Variants in KYAT1 observed in about 807,000 individuals in gnomAD.
KYAT1 encodes the protein kynurenine--oxoglutarate transaminase 1.
In KYAT1, 47 loss-of-function variants were observed where a neutral mutation model predicts 52.4. That is an observed-to-expected ratio of 0.90 (90% CI 0.71 to 1.14). The LOEUF (loss-of-function observed/expected upper bound fraction) is 1.14, where lower values mean the gene tolerates loss of function less well. KYAT1 is among the 50% of genes most tolerant of loss of function. The pLI, the probability that KYAT1 is intolerant of heterozygous loss-of-function variation, is 0.00. For synonymous variants in KYAT1, 212 were observed against 209.6 expected, an observed-to-expected ratio of 1.01 and a Z score of -0.10; for missense variants, 480 against 557.9, an observed-to-expected ratio of 0.86 and a Z score of 1.41.
At chr9:128,866,207 A>T (rs772579937) in intron 1 of KYAT1, among the ~76,000 whole-genome samples, 5 of 152,220 alleles carry the variant, frequency 3.3e-5, no homozygotes, top group Admixed American at 6.5e-5. Flanking sequence ...TTTTAATATA[A>T]TATGAGCCTT....
intron 1 of KYAT1, among the ~76,000 whole-genome samples, chr9:128,849,421 C>G (rs1309989270): frequency 1.2e-5 from 1 of 80,988 alleles, no homozygotes; most frequent in African/African-American, 5.4e-5. Flanking sequence ...AAAAAAAAAG[C>G]GGGGGTGGGG....
chr9:128,837,809 G>A lies in KYAT1; in HGVS notation c.443C>T (p.Pro148Leu). 1.9e-6 allele frequency: 3 copies of A among 1,613,976 alleles called. No homozygotes were observed. The highest frequency in any genetic ancestry group is 2.5e-6 in the Non-Finnish European group (3 of 1,179,960). ...RPVFVSLKPG[P>L]IQNGELGSSS... ...GGAACCCAGTTCTCCATTCTGGATG[G>A]GACCCTGCAAGAGCAGGTGGCATGG... is the stretch of plus-strand genomic sequence containing the variant. Residue 148 changes from proline to leucine, a missense_variant, in exon 6 of 13, where the codon CCC becomes CTC. Physicochemically the swap from Pro to Leu is moderately conservative, Grantham distance 98. Coordinates refer to ENST00000302586, the MANE Select transcript of KYAT1 (RefSeq NM_004059.5).
rs551408131 is a variant in KYAT1, at chr9:128,842,764, C to T, written c.91G>A (p.Val31Met). Residue 31 changes from valine (V) to methionine (M), a missense_variant, in exon 3 of 13, where the codon GTG becomes ATG. By Grantham distance (21) the Val-to-Met change is conservative (BLOSUM62 1). Coordinates refer to ENST00000302586, the MANE Select transcript of KYAT1 (RefSeq NM_004059.5). ...FVKLASEHDV[V>M]NLGQGFPDFP... ...TCCGGGAAGCCCTGGCCCAAGTTCACGACGTCATGCTCACTGGCCAGTTTC... is the reference window on the plus strand; with the variant it reads ...TCCGGGAAGCCCTGGCCCAAGTTCATGACGTCATGCTCACTGGCCAGTTTC... The T allele has an allele frequency of 1.2e-5, 19 of 1,614,082 alleles. No homozygotes were observed. In the East Asian group the frequency reaches 1.6e-4, roughly 13 times the overall value.
At position 128,875,968 on chromosome 9, in the gene KYAT1, G is replaced by A. The variant is rs140575340; in HGVS notation, c.-7+5929C>T. Reference sequence around the variant, plus strand: ...TAACCCAGGGGCTGATGTCAGCTATGCCACTGTCCCCCAACCCCCATTGGA... The same window carrying A: ...TAACCCAGGGGCTGATGTCAGCTATACCACTGTCCCCCAACCCCCATTGGA... On this transcript the variant is annotated intron_variant, in intron 1 of 12. Coordinates refer to ENST00000302586, the MANE Select transcript of KYAT1 (RefSeq NM_004059.5). Among the ~76,000 whole-genome samples the A allele has an allele frequency of 8.2e-3, 1,246 of 152,232 alleles. 26 individuals are homozygous for A. The highest frequency in any genetic ancestry group is 0.028 in the African/African-American group (1,173 of 41,560).
chr9:128,847,542 T>G lies in KYAT1; in HGVS notation c.-6-2131A>C, dbSNP rs924706738. On this transcript the variant is annotated intron_variant, in intron 1 of 12. Coordinates refer to ENST00000302586, the MANE Select transcript of KYAT1 (RefSeq NM_004059.5). ...AGTCCTGAACATGCCTCCCAGAGCCTTGGGGCACTGCAGACTTTTCCAGAG... is the reference window on the plus strand; with the variant it reads ...AGTCCTGAACATGCCTCCCAGAGCCGTGGGGCACTGCAGACTTTTCCAGAG... 33 of 1,528,752 alleles carry G rather than the reference T, an allele frequency of 2.2e-5. No homozygotes were observed. The Admixed American group carries it at 5.9e-4, about 27-fold the overall frequency. The allele number at this position is 1,528,752 out of a possible 1,614,324, so 94.7% of individuals were successfully genotyped here.
At chr9:128,876,538 C>T (rs982292293) in intron 1 of KYAT1, among the ~76,000 whole-genome samples, 2 of 151,794 alleles carry the variant, frequency 1.3e-5, no homozygotes, top group Admixed American at 6.6e-5. Context: ...CTGCCTCAGC[C>T]TCCCGAGTAG....
At chr9:128,840,567 A>AG (rs1391390829) in intron 3 of KYAT1, 1 of 419,912 alleles carries the variant, frequency 2.4e-6, no homozygotes, top group Non-Finnish European at 4.6e-6. Flanking sequence ...TCTAGTTAAA[A>AG]GAAAAAAAAA....
chr9:128,869,873 C>A (rs1325235426), intron 1 of KYAT1, among the ~76,000 whole-genome samples: 1 of 151,944 alleles, frequency 6.6e-6, no homozygotes, highest in East Asian at 1.9e-4. Context: ...CCTGCCTCAG[C>A]CTCCCGAGTA....
At chr9:128,857,200 G>GT (rs538631999) in intron 1 of KYAT1, among the ~76,000 whole-genome samples, 1 of 152,118 alleles carries the variant, frequency 6.6e-6, no homozygotes, top group Non-Finnish European at 1.5e-5. Context: ...TTGCTCACAT[G>GT]TTTTTTTGCT....
intron 1 of KYAT1, among the ~76,000 whole-genome samples, chr9:128,863,740 G>T (rs986041738): frequency 6.6e-6 from 1 of 152,140 alleles, no homozygotes; most frequent in Non-Finnish European, 1.5e-5. Context: ...TTCCCGAGTC[G>T]GCCAGCAGGG....
chr9:128,864,234 C>T (rs1415838844), intron 1 of KYAT1, among the ~76,000 whole-genome samples: 4 of 151,622 alleles, frequency 2.6e-5, no homozygotes, highest in African/African-American at 9.7e-5. Context: ...GGCATGGTGG[C>T]GGGTGCCTAT....
At chr9:128,878,131 A>C (rs2130857024) in intron 1 of KYAT1, among the ~76,000 whole-genome samples, 2 of 151,938 alleles carry the variant, frequency 1.3e-5, no homozygotes, top group South Asian at 4.2e-4. Context: ...AATGACAACA[A>C]GCTATTAACT....
chr9:128,853,872 C>T (rs191346779), intron 1 of KYAT1, among the ~76,000 whole-genome samples: 7 of 152,306 alleles, frequency 4.6e-5, no homozygotes, highest in Non-Finnish European at 8.8e-5. Context: ...AGGTTTATGT[C>T]CCAATGCATT....
intron 1 of KYAT1, among the ~76,000 whole-genome samples, chr9:128,859,186 C>T (rs1405676130): frequency 6.6e-6 from 1 of 151,218 alleles, no homozygotes; most frequent in African/African-American, 2.4e-5. Flanking sequence ...CACGGCGAAA[C>T]CCTGTCTCTA....
chr9:128,865,328 TATATATATATATATATATATATATATATA>T lies in KYAT1; in HGVS notation c.-7+16540_-7+16568del, dbSNP rs1564491406. Among the ~76,000 whole-genome samples the T allele has an allele frequency of 6.9e-3, 252 of 36,636 alleles. 28 individuals carry two copies. Among genetic ancestry groups the T allele is most frequent in the South Asian group, 0.011 (13 of 1,136 alleles). 24.0% of individuals were successfully genotyped at this position (36,636 alleles called of 152,430 possible). ...GCCTACATATATATATATATATATA[TATATATATATATATATATATATATATATA>T]TATTTTTTTTTTTTTTTTTTTTGAG... On this transcript the variant is annotated intron_variant, in intron 1 of 12. Coordinates refer to ENST00000302586, the MANE Select transcript of KYAT1 (RefSeq NM_004059.5).
At chr9:128,845,596 C>T (rs529319484) in intron 1 of KYAT1, 185 bp from the exon 2 acceptor site, 2 of 594,940 alleles carry the variant, frequency 3.4e-6, no homozygotes, top group Non-Finnish European at 3.0e-6. Context: ...TATGCTCCAA[C>T]ACCCTCACCT....
At chr9:128,839,333 C>G (rs1831712688) in intron 3 of KYAT1, among the ~76,000 whole-genome samples, 1 of 152,190 alleles carries the variant, frequency 6.6e-6, no homozygotes, top group African/African-American at 2.4e-5. Context: ...TAAAGTCACA[C>G]ACAGTTGACA....
chr9:128,877,739 T>C (rs1031280732), intron 1 of KYAT1, among the ~76,000 whole-genome samples: 2 of 152,178 alleles, frequency 1.3e-5, no homozygotes, highest in African/African-American at 4.8e-5. Flanking sequence ...AGCTTCTCAA[T>C]AGGGGCACAC....
At chr9:128,850,834 G>A (rs1833861106) in intron 1 of KYAT1, among the ~76,000 whole-genome samples, 1 of 152,238 alleles carries the variant, frequency 6.6e-6, no homozygotes, top group Non-Finnish European at 1.5e-5. Flanking sequence ...TATGGCGGGA[G>A]GCGAGACACA....
Sources: allele counts gnomAD v4.1 joint callset (sites outside exome capture counted in the v4.1 genomes callset), GRCh38; gene constraint gnomAD v4.1.1; transcripts MANE v1.5; gene names NCBI Gene and HGNC (gene_info 2026-07-23, HGNC 2026-07-21).